The following EFCAB8 variants were observed in gnomAD, a reference collection of about 807,000 sequenced individuals.
EFCAB8 encodes the protein EF-hand calcium-binding domain-containing protein 8.
Under a neutral mutation model 116.3 loss-of-function variants are expected in EFCAB8, and 100 were observed. The observed-to-expected ratio is 0.86, with a 90% CI of 0.73 to 1.02. The LOEUF (loss-of-function observed/expected upper bound fraction) is 1.02, where lower values mean the gene tolerates loss of function less well. EFCAB8 is among the 50% of genes least tolerant of loss of function. EFCAB8 has a pLI of 0.00. For synonymous variants in EFCAB8, 558 were observed against 567.9 expected, an observed-to-expected ratio of 0.98 and a Z score of 0.25; for missense variants, 1,320 against 1,416.9, an observed-to-expected ratio of 0.93 and a Z score of 1.10.
chr20:32,894,820 T>C lies in EFCAB8; in HGVS notation c.883+1522T>C, dbSNP rs374087473. On this transcript the variant is annotated intron_variant, in intron 9 of 26. Transcript: ENST00000400522. ...TTCCCTGCCCTCCCTCACAGCCTAGTAGGAGAGACAGGCAGGTAAACTGAT... is the reference window on the plus strand; with the variant it reads ...TTCCCTGCCCTCCCTCACAGCCTAGCAGGAGAGACAGGCAGGTAAACTGAT... Among the ~76,000 whole-genome samples, 132 of 152,326 alleles carry C rather than the reference T, an allele frequency of 8.7e-4. 3 individuals carry two copies. In the South Asian group the frequency reaches 0.022, roughly 26 times the overall value.
At chr20:32,922,851 T>C (rs1044145933) in intron 20 of EFCAB8, among the ~76,000 whole-genome samples, 4 of 152,038 alleles carry the variant, frequency 2.6e-5, no homozygotes, top group Non-Finnish European at 4.4e-5. Flanking sequence ...GATACTTTCT[T>C]CCTCTAATTA....
intron 20 of EFCAB8, among the ~76,000 whole-genome samples, chr20:32,923,772 G>A (rs73249230): frequency 0.066 from 10,017 of 152,030 alleles, 460 homozygotes; most frequent in African/African-American, 0.13. Context: ...CGGTGTTTAC[G>A]GAGCCATGGC....
chr20:32,898,094 A>G (rs978380005), intron 10 of EFCAB8, among the ~76,000 whole-genome samples: 8 of 152,164 alleles, frequency 5.3e-5, no homozygotes, highest in African/African-American at 1.7e-4. Flanking sequence ...TATGACAAAC[A>G]TGGAGGGTGG....
intron 23 of EFCAB8, among the ~76,000 whole-genome samples, chr20:32,957,189 C>T (rs545922501): frequency 6.6e-6 from 1 of 151,856 alleles, no homozygotes; most frequent in South Asian, 2.1e-4. Context: ...TTATTTGTAA[C>T]AGTTATTTAA....
chr20:32,902,575 C>T (rs1439864282), intron 11 of EFCAB8, among the ~76,000 whole-genome samples: 1 of 151,736 alleles, frequency 6.6e-6, no homozygotes, highest in South Asian at 2.1e-4. Context: ...AGCAAGATCC[C>T]ATCTACACAA....
Position 32,875,953 on chromosome 20 carries a change from C to G in EFCAB8, c.236C>G (p.Ala79Gly). 1 of 1,551,920 alleles carries G rather than the reference C, an allele frequency of 6.4e-7. No homozygotes were observed. The highest frequency in any genetic ancestry group is 8.7e-7 in the Non-Finnish European group (1 of 1,147,032). Residue 79 changes from alanine (A) to glycine (G), a missense_variant, in exon 4 of 27, where the codon GCC becomes GGC. By Grantham distance (60) the Ala-to-Gly change is moderately conservative. Coordinates refer to ENST00000400522, the MANE Select transcript of EFCAB8 (RefSeq NM_001143967.2). ...GALGMDAFIK[A>G]MKKVLSSVSD... is the part of the protein sequence containing the mutation. ...CTGGGCATGGACGCCTTCATCAAGG[C>G]CATGAAGAAGGTTCTGAGCAGTGTG...
chr20:32,886,316 C>T (rs1382939465), intron 6 of EFCAB8, among the ~76,000 whole-genome samples: 1 of 152,106 alleles, frequency 6.6e-6, no homozygotes, highest in Non-Finnish European at 1.5e-5. Flanking sequence ...TTTGTGCTGC[C>T]AGCTCTTGGC....
chr20:32,878,189 C>T (rs1244950111), intron 4 of EFCAB8, among the ~76,000 whole-genome samples: 2 of 151,890 alleles, frequency 1.3e-5, no homozygotes, highest in African/African-American at 4.8e-5. Flanking sequence ...TCACTTGAGC[C>T]TGGGAGATTG....
chr20:32,894,030 G>A (rs1251666734), intron 9 of EFCAB8, among the ~76,000 whole-genome samples: 2 of 152,204 alleles, frequency 1.3e-5, no homozygotes, highest in South Asian at 2.1e-4. Flanking sequence ...ATAGCAGGAG[G>A]AAGTCATTGG....
At chr20:32,902,548 A>C (rs1275535608) in intron 11 of EFCAB8, among the ~76,000 whole-genome samples, 1 of 152,152 alleles carries the variant, frequency 6.6e-6, no homozygotes, top group Non-Finnish European at 1.5e-5. Context: ...GGAGTTCAAG[A>C]CCGGCCTGGG....
chr20:32,904,335 C>G (rs568263800), intron 11 of EFCAB8, among the ~76,000 whole-genome samples: 2 of 151,536 alleles, frequency 1.3e-5, no homozygotes, highest in African/African-American at 4.8e-5. Context: ...GGTTCTTGCT[C>G]TGTCCCCCAG....
At chr20:32,894,888 C>CTG (rs1444096949) in intron 9 of EFCAB8, among the ~76,000 whole-genome samples, 1 of 152,246 alleles carries the variant, frequency 6.6e-6, no homozygotes, top group African/African-American at 2.4e-5. Flanking sequence ...CTGCCTGTGC[C>CTG]TGTGCACAAC....
intron 9 of EFCAB8, among the ~76,000 whole-genome samples, chr20:32,895,507 G>T (rs957686279): frequency 2.0e-4 from 30 of 148,894 alleles, no homozygotes; most frequent in African/African-American, 4.2e-4. Flanking sequence ...TTATTTTTTT[G>T]ATTTTTTTTT....
chr20:32,874,664 C>A (rs1984857769), intron 3 of EFCAB8, among the ~76,000 whole-genome samples: 1 of 152,150 alleles, frequency 6.6e-6, no homozygotes, highest in South Asian at 2.1e-4. Context: ...GCCTCAGCCT[C>A]CCAAGTAGCT....
intron 6 of EFCAB8, among the ~76,000 whole-genome samples, chr20:32,886,278 G>A (rs374990809): frequency 6.6e-4 from 101 of 152,184 alleles, no homozygotes; most frequent in African/African-American, 2.0e-3. Context: ...GGCAGGGCAC[G>A]CAGCAAGTCC....
chr20:32,918,614 C>T, intron 19 of EFCAB8, 40 bp downstream of exon 19: 2 of 1,540,370 alleles, frequency 1.3e-6, no homozygotes, highest in Non-Finnish European at 1.8e-6. Flanking sequence ...CCCTCACTCT[C>T]TAGCCGCCGG....
At position 32,961,361 on chromosome 20, in the gene EFCAB8, G is replaced by A. The variant is rs1039447559; in HGVS notation, c.3619G>A (p.Ala1207Thr). 1 of 1,468,044 alleles carries A rather than the reference G, an allele frequency of 6.8e-7. No homozygotes were observed. The highest frequency in any genetic ancestry group is 2.5e-5 in the East Asian group (1 of 40,300). The allele number at this position is 1,468,044 out of a possible 1,614,324, so 90.9% of individuals were successfully genotyped here. ...SSPSSLLSVT[A>T]SASRLLDSSL... is the part of the protein sequence containing the mutation. ...CCCATCTTCCTTGTTATCTGTCACT[G>A]CCTCAGCCTCCAGGCTGCTGGACTC... Residue 1207 changes from alanine (A) to threonine (T), a missense_variant, in exon 27 of 27, where the codon GCC (alanine) becomes ACC (threonine). Transcript: ENST00000400522.
chr20:32,885,371 CGCATGTGCGT>C (rs1157460506), intron 5 of EFCAB8, 124 bp from the exon 6 acceptor site: 1 of 1,191,286 alleles, frequency 8.4e-7, no homozygotes, highest in African/African-American at 1.6e-5. Flanking sequence ...TTATGGCGTG[CGCATGTGCGT>C]GCGTGTGCGT....
intron 20 of EFCAB8, among the ~76,000 whole-genome samples, chr20:32,929,671 A>G (rs957681183): frequency 4.6e-5 from 7 of 151,910 alleles, no homozygotes; most frequent in Non-Finnish European, 1.0e-4. Context: ...TGTTGGTGAC[A>G]TGTTTTGGGG....
Sources: gnomAD v4.1 joint callset for allele counts (sites outside exome capture counted in the v4.1 genomes callset) on GRCh38, gnomAD v4.1.1 for gene constraint, MANE v1.5 for transcripts, NCBI Gene and HGNC (gene_info 2026-07-23, HGNC 2026-07-21) for gene names.